CEMIP2: variants seen among roughly 807,000 people sequenced by gnomAD.
The protein encoded by CEMIP2 is cell surface hyaluronidase CEMIP2.
In CEMIP2, 79 loss-of-function variants were observed where a neutral mutation model predicts 146.9. The ratio of observed to expected loss-of-function variants is 0.54; its 90% CI spans 0.45 to 0.65. CEMIP2 has a LOEUF of 0.65. CEMIP2 is among the 30% of genes least tolerant of loss of function. The probability of loss-of-function intolerance (pLI) is 0.00; values close to 1 mark genes in which losing one functional copy is unlikely to be tolerated. For missense variants in CEMIP2, 1,596 were observed against 1,696.2 expected (o/e 0.94, Z 1.04); for synonymous variants, 601 against 606.3 (o/e 0.99, Z 0.13).
chr9:71,700,848 A>G (rs748704371), intron 18 of CEMIP2, 24 bp from the exon 19 acceptor site: 1 of 1,587,784 alleles, frequency 6.3e-7, no homozygotes, highest in South Asian at 1.2e-5. Flanking sequence ...ACATAAAAAA[A>G]TTAGTTTACA....
At chr9:71,710,869 A>G (rs958762613) in intron 16 of CEMIP2, among the ~76,000 whole-genome samples, 4 of 152,066 alleles carry the variant, frequency 2.6e-5, no homozygotes, top group South Asian at 2.1e-4. Context: ...TGACACTCCA[A>G]TTTGTACTTG....
chr9:71,742,149 C>A (rs1051828630), intron 4 of CEMIP2, among the ~76,000 whole-genome samples: 2 of 152,198 alleles, frequency 1.3e-5, no homozygotes, highest in Non-Finnish European at 2.9e-5. Flanking sequence ...TAGATATTCA[C>A]AGATAAAAGT....
At chr9:71,765,266 G>A (rs1388226288) in intron 1 of CEMIP2, among the ~76,000 whole-genome samples, 1 of 152,160 alleles carries the variant, frequency 6.6e-6, no homozygotes, top group Non-Finnish European at 1.5e-5. Context: ...ACCTGATTAA[G>A]CTATGATTTA....
chr9:71,694,638 C>G, intron 20 of CEMIP2, 31 bp from the exon 21 acceptor site: 1 of 1,406,240 alleles, frequency 7.1e-7, no homozygotes, highest in Non-Finnish European at 1.0e-6. Context: ...ATATTTATGG[C>G]AACTCTTACC....
intron 17 of CEMIP2, among the ~76,000 whole-genome samples, chr9:71,707,849 C>G (rs756321757): frequency 2.4e-4 from 37 of 152,228 alleles, no homozygotes; most frequent in Non-Finnish European, 3.8e-4. Flanking sequence ...ATTCTCGTCT[C>G]CATGTTCTGA....
At position 71,745,412 on chromosome 9, in the gene CEMIP2, T is replaced by C. The variant is rs1824058617; in HGVS notation, c.640A>G (p.Met214Val). The change falls in exon 4 of 24, where the codon ATG becomes GTG. Residue 214 changes from methionine (M) to valine (V), a missense_variant. By Grantham distance (21) the Met-to-Val change is conservative (BLOSUM62 1). Transcript: ENST00000377044. The stretch of plus-strand genomic sequence containing the variant: ...ATAAACTTTTTGCCAAATGTTGGCA[T>C]ACTTTCACCTTCATCTGACTTGCCA... ...LYGKSDEGES[M>V]PTFGKKFIGV... 2 of 1,614,170 alleles carry C rather than the reference T, an allele frequency of 1.2e-6. No homozygotes were observed. The highest frequency in any genetic ancestry group is 1.3e-5 in the African/African-American group (1 of 75,060).
intron 1 of CEMIP2, among the ~76,000 whole-genome samples, chr9:71,752,393 G>A (rs1376738774): frequency 6.7e-6 from 1 of 148,876 alleles, no homozygotes; most frequent in Non-Finnish European, 1.5e-5. Flanking sequence ...TCTATAAAGA[G>A]CAATTATAAG....
At chr9:71,726,139 G>A (rs534232183) in intron 10 of CEMIP2, among the ~76,000 whole-genome samples, 13 of 152,182 alleles carry the variant, frequency 8.5e-5, no homozygotes, top group Non-Finnish European at 8.8e-5. Context: ...CCACCAGCAC[G>A]CAGAGATCAC....
At chr9:71,720,323 C>A (rs1291751957) in intron 12 of CEMIP2, among the ~76,000 whole-genome samples, 1 of 152,118 alleles carries the variant, frequency 6.6e-6, no homozygotes, top group Non-Finnish European at 1.5e-5. Context: ...TGGAGTCTTG[C>A]CTTTTTGCTC....
intron 6 of CEMIP2, among the ~76,000 whole-genome samples, chr9:71,733,393 A>C (rs1382780562): frequency 6.6e-6 from 1 of 152,158 alleles, no homozygotes; most frequent in East Asian, 1.9e-4. Context: ...AAGAGTTGGA[A>C]TTTCCAAAAA....
chr9:71,711,541 C>T (rs923252807), intron 16 of CEMIP2, among the ~76,000 whole-genome samples: 8 of 151,498 alleles, frequency 5.3e-5, no homozygotes, highest in African/African-American at 1.7e-4. Flanking sequence ...ACTTTGCCAC[C>T]GTTCACATCA....
intron 5 of CEMIP2, among the ~76,000 whole-genome samples, chr9:71,739,356 T>A: frequency 1.6e-5 from 1 of 63,304 alleles, no homozygotes; most frequent in South Asian, 7.3e-4. Flanking sequence ...AGTGAGACTC[T>A]GTCTCAAAAA....
At chr9:71,723,077 A>G (rs1255472017) in intron 11 of CEMIP2, among the ~76,000 whole-genome samples, 8 of 151,176 alleles carry the variant, frequency 5.3e-5, no homozygotes, top group Non-Finnish European at 4.4e-5. Context: ...AGAGAAAATA[A>G]CTCAAGGGAA....
chr9:71,692,297 A>ATTTTTTT (rs10683724), intron 21 of CEMIP2, among the ~76,000 whole-genome samples: 1 of 78,900 alleles, frequency 1.3e-5, no homozygotes, highest in African/African-American at 5.0e-5. Flanking sequence ...CCTGCCTGAT[A>ATTTTTTT]TTTTTTTTTT....
chr9:71,731,724 T>C (rs1823622387), intron 7 of CEMIP2, among the ~76,000 whole-genome samples: 1 of 108,612 alleles, frequency 9.2e-6, no homozygotes, highest in Admixed American at 9.6e-5. Context: ...AGAATGAGAC[T>C]GTATCTCAAA....
At chr9:71,699,420 C>T (rs186249145) in intron 19 of CEMIP2, 1 of 446,258 alleles carries the variant, frequency 2.2e-6, no homozygotes, top group East Asian at 7.1e-5. Context: ...AACTGCACTC[C>T]AGCCTGGGCA....
At position 71,704,804 on chromosome 9, in the gene CEMIP2, C is replaced by A. The variant is rs1307254086; in HGVS notation, c.2986-1G>T. ...GAGTGCTCCATGTCTGTACATAGAC[C>A]TTGAAAAAATAATCAAGAAGTAAAG... On this transcript the variant is annotated splice_acceptor_variant, in intron 17 of 23. Transcript: ENST00000377044. LOFTEE classifies it high-confidence loss of function. 1 of 1,610,854 alleles carries A rather than the reference C, an allele frequency of 6.2e-7. No individual in the cohort carries two copies. The highest frequency in any genetic ancestry group is 8.5e-7 in the Non-Finnish European group (1 of 1,177,928).
At chr9:71,685,712 A>G (rs1299354364) in intron 23 of CEMIP2, 31 bp downstream of exon 23, 4 of 1,573,402 alleles carry the variant, frequency 2.5e-6, no homozygotes, top group African/African-American at 2.7e-5. Flanking sequence ...CTGGCCCTGT[A>G]AGAACTTCAT....
intron 15 of CEMIP2, among the ~76,000 whole-genome samples, chr9:71,713,493 A>T (rs1249512232): frequency 1.3e-5 from 2 of 152,160 alleles, no homozygotes; most frequent in Non-Finnish European, 2.9e-5. Context: ...ACGGACTAAT[A>T]CAAGTTGTAA....
Sources: gnomAD v4.1 joint callset for allele counts (sites outside exome capture counted in the v4.1 genomes callset) on GRCh38, gnomAD v4.1.1 for gene constraint, MANE v1.5 for transcripts, NCBI Gene and HGNC (gene_info 2026-07-23, HGNC 2026-07-21) for gene names.